The following GRIN2A variants were observed in gnomAD, a reference collection of about 807,000 sequenced individuals.
GRIN2A encodes glutamate receptor ionotropic, NMDA 2A.
In GRIN2A, 22 loss-of-function variants were observed where a neutral mutation model predicts 113.4. The observed-to-expected ratio is 0.19, with a 90% CI of 0.14 to 0.28. The LOEUF is 0.28. GRIN2A is among the 10% of genes least tolerant of loss of function. GRIN2A has a pLI of 1.00. For missense variants in GRIN2A, 1,502 were observed against 1,887.0 expected (o/e 0.80, Z 3.78); for synonymous variants, 827 against 738.4 (o/e 1.12, Z -1.94).
chr16:10,112,466 C>T (rs1413657423), intron 2 of GRIN2A: 7 of 857,496 alleles, frequency 8.2e-6, no homozygotes, highest in African/African-American at 1.7e-5. Context: ...CCATCATAGC[C>T]GATGTGGCAT....
intron 2 of GRIN2A, among the ~76,000 whole-genome samples, chr16:9,969,393 A>C (rs1411101253): frequency 6.6e-6 from 1 of 152,134 alleles, no homozygotes; most frequent in African/African-American, 2.4e-5. Context: ...AGTGTTCCCC[A>C]AGGCTCTGTG....
chr16:10,164,060 G>A (rs938936799), intron 2 of GRIN2A, among the ~76,000 whole-genome samples: 1 of 152,216 alleles, frequency 6.6e-6, no homozygotes, highest in Non-Finnish European at 1.5e-5. Context: ...AGGCAGAGCA[G>A]TTTATCTAAC....
intron 10 of GRIN2A, 129 bp from the exon 11 acceptor site, chr16:9,798,593 C>G: frequency 1.5e-6 from 1 of 657,578 alleles, no homozygotes; most frequent in Non-Finnish European, 2.7e-6. Flanking sequence ...CATGGCCTCT[C>G]CATCCCCTCA....
At chr16:9,841,188 T>A in intron 5 of GRIN2A, 84 bp from the exon 6 acceptor site, 1 of 1,189,804 alleles carries the variant, frequency 8.4e-7, no homozygotes, top group Admixed American at 1.7e-5. Flanking sequence ...CTCCTATTTT[T>A]CAGATGAGTA....
intron 1 of GRIN2A, among the ~76,000 whole-genome samples, chr16:10,181,234 C>T (rs1247012110): frequency 6.6e-6 from 1 of 150,488 alleles, no homozygotes; most frequent in Admixed American, 6.6e-5. Context: ...TTCACACACA[C>T]ACACCCTCTC....
At chr16:9,992,725 G>A (rs1207321196) in intron 2 of GRIN2A, among the ~76,000 whole-genome samples, 1 of 152,172 alleles carries the variant, frequency 6.6e-6, no homozygotes, top group African/African-American at 2.4e-5. Flanking sequence ...AGGCAGCTGT[G>A]CAAAATACAG....
chr16:10,077,849 A>T (rs1315157210), intron 2 of GRIN2A, among the ~76,000 whole-genome samples: 1 of 151,652 alleles, frequency 6.6e-6, no homozygotes, highest in African/African-American at 2.4e-5. Context: ...TCCAAATACC[A>T]TTTTTTTTGG....
intron 4 of GRIN2A, 123 bp from the exon 5 acceptor site, chr16:9,850,084 A>G (rs775671169): frequency 6.3e-6 from 5 of 792,566 alleles, no homozygotes; most frequent in African/African-American, 1.7e-5. Flanking sequence ...ATATCTCAAC[A>G]TATGCATCTA....
intron 3 of GRIN2A, among the ~76,000 whole-genome samples, chr16:9,929,918 C>T (rs193183638): frequency 4.3e-4 from 65 of 152,284 alleles, no homozygotes; most frequent in Non-Finnish European, 7.5e-4. Flanking sequence ...GGTAAAGGCA[C>T]GGCCAACTTC....
chr16:9,997,253 A>C (rs1251626779), intron 2 of GRIN2A, among the ~76,000 whole-genome samples: 1 of 152,172 alleles, frequency 6.6e-6, no homozygotes, highest in Non-Finnish European at 1.5e-5. Flanking sequence ...TTATGACAAC[A>C]GGGAAAAGGC....
chr16:9,809,118 T>C (rs1039358799), intron 10 of GRIN2A, among the ~76,000 whole-genome samples: 3 of 152,120 alleles, frequency 2.0e-5, no homozygotes, highest in South Asian at 2.1e-4. Flanking sequence ...TGTGGACATA[T>C]ATTAATATAT....
At chr16:9,837,858 C>A (rs530477165) in intron 7 of GRIN2A, among the ~76,000 whole-genome samples, 1 of 152,268 alleles carries the variant, frequency 6.6e-6, no homozygotes, top group East Asian at 1.9e-4. Flanking sequence ...GTGTATTTGT[C>A]AGGGTCCACA....
At chr16:9,924,128 A>AC (rs1258939810) in intron 3 of GRIN2A, among the ~76,000 whole-genome samples, 1,474 of 144,594 alleles carry the variant, frequency 0.01, 73 homozygotes, top group African/African-American at 0.035. Context: ...AAAAAAAAAA[A>AC]AAAAAAAAAA....
At chr16:9,779,406 C>T (rs530934487) in intron 11 of GRIN2A, among the ~76,000 whole-genome samples, 37 of 152,142 alleles carry the variant, frequency 2.4e-4, no homozygotes, top group Non-Finnish European at 5.0e-4. Flanking sequence ...AATCCAGAAG[C>T]GAAATGGATC....
rs1163824703 is a variant in GRIN2A at position 9,937,991 on chromosome 16, C to T, written c.975G>A (p.Glu325=). The T allele has an allele frequency of 6.2e-7, 1 of 1,613,898 alleles. No individual in the cohort carries two copies. Among genetic ancestry groups the T allele is most frequent in the Non-Finnish European group, 8.5e-7 (1 of 1,179,938 alleles). ...AGGTGTGCATCGGGACCTCTGGCCT[C>T]TCCATCTGCCCGTAGCAGCTGGCCT... ...EAKASCYGQM[E]RPEVPMHTLH... The change falls in exon 3 of 13, where the codon GAG becomes GAA. Residue 325 remains glutamate, a synonymous_variant. Transcript: ENST00000330684.
At chr16:9,795,249 A>G (rs1042422567) in intron 11 of GRIN2A, among the ~76,000 whole-genome samples, 1 of 152,172 alleles carries the variant, frequency 6.6e-6, no homozygotes, top group East Asian at 1.9e-4. Context: ...GGTTGCAGTA[A>G]AGAAGCTGGC....
At chr16:10,141,717 C>G (rs1013240464) in intron 2 of GRIN2A, among the ~76,000 whole-genome samples, 2 of 152,190 alleles carry the variant, frequency 1.3e-5, no homozygotes, top group Non-Finnish European at 2.9e-5. Context: ...TGAGATTTTA[C>G]AGATGATGTT....
At chr16:9,816,812 C>T (rs1283839118) in intron 10 of GRIN2A, among the ~76,000 whole-genome samples, 1 of 152,204 alleles carries the variant, frequency 6.6e-6, no homozygotes, top group African/African-American at 2.4e-5. Flanking sequence ...TCTGATTCAA[C>T]TGGCTCAGTG....
At chr16:9,903,423 C>A (rs2043971800) in intron 3 of GRIN2A, among the ~76,000 whole-genome samples, 1 of 152,144 alleles carries the variant, frequency 6.6e-6, no homozygotes, top group East Asian at 1.9e-4. Flanking sequence ...AGCAGACTTG[C>A]CATTGAGCAC....
Sources: gnomAD v4.1 joint callset for allele counts (sites outside exome capture counted in the v4.1 genomes callset) on GRCh38, gnomAD v4.1.1 for gene constraint, MANE v1.5 for transcripts, NCBI Gene and HGNC (gene_info 2026-07-23, HGNC 2026-07-21) for gene names.